Variants in CCSER1 observed in about 807,000 individuals in gnomAD.
The protein encoded by CCSER1 is coiled-coil serine rich protein 1.
Under a neutral mutation model 82.0 loss-of-function variants are expected in CCSER1, and 41 were observed. That is an observed-to-expected ratio of 0.50 (90% CI 0.39 to 0.65). CCSER1 has a LOEUF of 0.65. Ranked by LOEUF, CCSER1 falls within the 30% of genes least tolerant of loss-of-function variation. The pLI is 0.00. For missense variants in CCSER1, 1,119 were observed against 1,064.2 expected, an observed-to-expected ratio of 1.05 and a Z score of -0.72; for synonymous variants, 414 against 383.9, an observed-to-expected ratio of 1.08 and a Z score of -0.92.
At chr4:90,139,369 A>C (rs1174946631) in intron 1 of CCSER1, among the ~76,000 whole-genome samples, 1 of 152,164 alleles carries the variant, frequency 6.6e-6, no homozygotes, top group Non-Finnish European at 1.5e-5. Flanking sequence ...CTGTATTCCA[A>C]GTGCATAAGC....
intron 10 of CCSER1, among the ~76,000 whole-genome samples, chr4:91,588,801 G>A (rs1764131134): frequency 6.6e-6 from 1 of 151,830 alleles, no homozygotes; most frequent in South Asian, 2.1e-4. Flanking sequence ...ACCCAGAATT[G>A]TGCATGTTGC....
Position 91,601,081 on chromosome 4 carries a change from T to G in CCSER1, c.*2024T>G, listed in dbSNP as rs997651937. 3 of 152,108 alleles carry G rather than the reference T, an allele frequency of 2.0e-5. No individual in the cohort carries two copies. The highest frequency in any genetic ancestry group is 4.4e-5 in the Non-Finnish European group (3 of 68,000). 9.4% of individuals were successfully genotyped at this position (152,108 alleles called of 1,614,324 possible). The stretch of plus-strand genomic sequence containing the variant: ...TACATAAATAAGCATGATAAAATAA[T>G]CAAGGATTTTTTCCCAGGATATGGA... On this transcript the variant is annotated 3_prime_UTR_variant, in exon 11 of 11. Transcript: ENST00000509176.
intron 7 of CCSER1, among the ~76,000 whole-genome samples, chr4:90,731,218 A>G (rs978194384): frequency 6.6e-6 from 1 of 152,188 alleles, no homozygotes; most frequent in African/African-American, 2.4e-5. Context: ...AGTTTCTGAT[A>G]CTAATTTTTT....
At chr4:91,434,796 C>T (rs1018291157) in intron 10 of CCSER1, among the ~76,000 whole-genome samples, 6 of 152,192 alleles carry the variant, frequency 3.9e-5, no homozygotes, top group African/African-American at 1.4e-4. Context: ...TTCTTTACAA[C>T]TTGTCCTCTT....
chr4:90,226,606 G>A (rs1038789911), intron 1 of CCSER1, among the ~76,000 whole-genome samples: 5 of 152,228 alleles, frequency 3.3e-5, no homozygotes, highest in South Asian at 2.1e-4. Context: ...AACATGTTGA[G>A]AATCCACATA....
chr4:90,765,891 A>G (rs890213699), intron 7 of CCSER1, among the ~76,000 whole-genome samples: 19 of 152,180 alleles, frequency 1.2e-4, no homozygotes, highest in Admixed American at 6.6e-5. Context: ...GGAGAAGGCT[A>G]TCCTGAGCAG....
At chr4:90,567,424 G>A (rs954961610) in intron 5 of CCSER1, among the ~76,000 whole-genome samples, 1 of 151,596 alleles carries the variant, frequency 6.6e-6, no homozygotes, top group Non-Finnish European at 1.5e-5. Flanking sequence ...CCGAGTAGCT[G>A]GGTTTACAGA....
At chr4:90,314,837 CTTTTTTTTTT>C (rs765931168) in intron 3 of CCSER1, among the ~76,000 whole-genome samples, 1 of 87,580 alleles carries the variant, frequency 1.1e-5, no homozygotes, top group African/African-American at 4.4e-5. Context: ...CTCAGATTTA[CTTTTTTTTTT>C]TTTTTTTTTT....
chr4:90,741,744 AG>A, intron 7 of CCSER1, among the ~76,000 whole-genome samples: 1 of 152,234 alleles, frequency 6.6e-6, no homozygotes, highest in Non-Finnish European at 1.5e-5. Flanking sequence ...ATAAGAAGTT[AG>A]TAACCCAGGT....
In CCSER1 at chr4:91,441,528, A is replaced by G. The variant is rs1315590228; in HGVS notation, c.2218-157044A>G. 3.9e-5 allele frequency among the ~76,000 whole-genome samples: 6 copies of G among 152,138 alleles called. No individual in the cohort carries two copies. In the East Asian group the frequency reaches 1.2e-3, roughly 29 times the overall value. On this transcript the variant is annotated intron_variant, in intron 10 of 10. Coordinates refer to ENST00000509176, the MANE Select transcript of CCSER1 (RefSeq NM_001145065.2). ...CAGCCAATATCATACTGAATGGGCA[A>G]AAACTGGAAGCATTCCCTTTGAAAA... is the stretch of plus-strand genomic sequence containing the variant.
intron 10 of CCSER1, among the ~76,000 whole-genome samples, chr4:91,398,006 T>C (rs1433650286): frequency 6.6e-6 from 1 of 152,018 alleles, no homozygotes; most frequent in Non-Finnish European, 1.5e-5. Context: ...TGCTGAAATC[T>C]CAGAAGTAGA....
chr4:91,076,818 A>G (rs1722047969), intron 9 of CCSER1, among the ~76,000 whole-genome samples: 3 of 152,160 alleles, frequency 2.0e-5, no homozygotes, highest in Non-Finnish European at 1.5e-5. Flanking sequence ...CAATTTTTAG[A>G]CCATGGTACA....
intron 1 of CCSER1, among the ~76,000 whole-genome samples, chr4:90,181,051 A>T (rs1052804624): frequency 1.3e-5 from 2 of 152,248 alleles, no homozygotes; most frequent in East Asian, 3.9e-4. Context: ...AAATGAGCTG[A>T]TACATTCAAA....
intron 10 of CCSER1, among the ~76,000 whole-genome samples, chr4:91,389,362 C>T (rs990286668): frequency 6.6e-6 from 1 of 151,934 alleles, no homozygotes; most frequent in Admixed American, 6.6e-5. Context: ...GCCACTGCTC[C>T]TTTGTCAAAA....
chr4:91,469,320 T>C (rs1190990514), intron 10 of CCSER1, among the ~76,000 whole-genome samples: 1 of 152,232 alleles, frequency 6.6e-6, no homozygotes. Context: ...ATCACTTCAG[T>C]AGAACATAGT....
intron 6 of CCSER1, among the ~76,000 whole-genome samples, chr4:90,694,906 C>T (rs374383427): frequency 6.1e-4 from 93 of 151,476 alleles, no homozygotes; most frequent in African/African-American, 2.0e-3. Context: ...GAAGAAAAGA[C>T]GTTTTGAAAT....
At chr4:91,179,548 C>G (rs887574166) in intron 10 of CCSER1, among the ~76,000 whole-genome samples, 4 of 152,188 alleles carry the variant, frequency 2.6e-5, no homozygotes, top group African/African-American at 7.2e-5. Context: ...TCATTTCATT[C>G]ATTTGGTCTT....
chr4:91,085,979 A>T lies in CCSER1; in HGVS notation c.2202A>T (p.Val734=). Residue 734 remains valine, a synonymous_variant, in exon 10 of 11, where the codon GTA becomes GTT. Coordinates refer to ENST00000509176, the MANE Select transcript of CCSER1 (RefSeq NM_001145065.2). ...DGLNLKRLET[V]QGGREATYRN... is the part of the protein sequence containing the mutation. ...TAAACTTGAAAAGACTAGAGACAGTACAAGGAGGGAGAGAGGTAAGAATGT... is the reference window on the plus strand; with the variant it reads ...TAAACTTGAAAAGACTAGAGACAGTTCAAGGAGGGAGAGAGGTAAGAATGT... 3.3e-6 allele frequency: 5 copies of T among 1,531,170 alleles called. No individual in the cohort carries two copies. The highest frequency in any genetic ancestry group is 4.4e-6 in the Non-Finnish European group (5 of 1,128,714). The allele number at this position is 1,531,170 out of a possible 1,614,324, so 94.8% of individuals were successfully genotyped here.
chr4:90,273,641 T>A (rs890213587), intron 1 of CCSER1, among the ~76,000 whole-genome samples: 3 of 152,192 alleles, frequency 2.0e-5, no homozygotes, highest in Admixed American at 1.3e-4. Context: ...ACTTACTGTA[T>A]GGCAGTATGT....
Sources: allele counts gnomAD v4.1 joint callset (sites outside exome capture counted in the v4.1 genomes callset), GRCh38; gene constraint gnomAD v4.1.1; transcripts MANE v1.5; gene names NCBI Gene and HGNC (gene_info 2026-07-23, HGNC 2026-07-21).